CTNND1: variants seen among roughly 807,000 people sequenced by gnomAD.
The protein encoded by CTNND1 is catenin delta 1, also known as catenin delta-1.
CTNND1 carries 16 observed loss-of-function variants against 112.1 expected under a neutral mutation model. The ratio of observed to expected loss-of-function variants is 0.14; its 90% CI spans 0.10 to 0.22. CTNND1 has a LOEUF of 0.22. Among genes scored for constraint, CTNND1 ranks in the 10% least tolerant of loss-of-function variants. The probability of loss-of-function intolerance (pLI) is 1.00; values close to 1 mark genes in which losing one functional copy is unlikely to be tolerated. For missense variants in CTNND1, 1,008 were observed against 1,257.0 expected (o/e 0.80, Z 3.00); for synonymous variants, 420 against 446.5 (o/e 0.94, Z 0.75).
At chr11:57,767,982 C>T (rs1292042298) in intron 1 of CTNND1, among the ~76,000 whole-genome samples, 5 of 151,734 alleles carry the variant, frequency 3.3e-5, no homozygotes, top group Admixed American at 6.6e-5. Flanking sequence ...TACAGGTGCC[C>T]GCCACCACGC....
chr11:57,813,374 G>A (rs2063595287), intron 17 of CTNND1, among the ~76,000 whole-genome samples: 1 of 152,184 alleles, frequency 6.6e-6, no homozygotes, highest in Non-Finnish European at 1.5e-5. Context: ...GAAATAAACA[G>A]TGATGTTAAC....
rs539162406 is a variant in CTNND1, at chr11:57,796,695, G to T, written c.659G>T (p.Gly220Val). Residue 220 changes from glycine to valine, a missense_variant, in exon 6 of 21, where the codon GGT (glycine) becomes GTT (valine). Coordinates refer to ENST00000399050, the MANE Select transcript of CTNND1 (RefSeq NM_001085458.2). The stretch of plus-strand genomic sequence containing the variant: ...GGTTATAGTCGCCACTATGAAGATG[G>T]TTATCCAGGTGGCAGTGATAACTAT... ...PDGYSRHYED[G>V]YPGGSDNYGS... 2.5e-6 allele frequency: 4 copies of T among 1,614,050 alleles called. No homozygotes were observed. The highest frequency in any genetic ancestry group is 2.2e-5 in the East Asian group (1 of 44,882).
At chr11:57,806,642 G>A in intron 11 of CTNND1, 164 bp downstream of exon 11, 6 of 678,730 alleles carry the variant, frequency 8.8e-6, no homozygotes, top group South Asian at 7.6e-5. Flanking sequence ...AATAGCTCAC[G>A]GCATGCTGTT....
At chr11:57,789,912 C>T (rs962053966) in intron 2 of CTNND1, among the ~76,000 whole-genome samples, 2 of 152,206 alleles carry the variant, frequency 1.3e-5, no homozygotes, top group Non-Finnish European at 2.9e-5. Context: ...CCTTTTCCTA[C>T]TTCCCAAGGA....
chr11:57,774,389 C>T (rs1953623112), intron 1 of CTNND1, among the ~76,000 whole-genome samples: 1 of 152,196 alleles, frequency 6.6e-6, no homozygotes, highest in East Asian at 1.9e-4. Context: ...GGATATCCTA[C>T]AATGTAGCAA....
At chr11:57,808,873 A>G (rs1489418601) in intron 14 of CTNND1, among the ~76,000 whole-genome samples, 1 of 152,230 alleles carries the variant, frequency 6.6e-6, no homozygotes. Context: ...GAAATAACTC[A>G]TGGAAGTTAA....
chr11:57,770,802 C>T (rs1766695241), intron 1 of CTNND1, among the ~76,000 whole-genome samples: 1 of 152,152 alleles, frequency 6.6e-6, no homozygotes, highest in Non-Finnish European at 1.5e-5. Context: ...TATCAAAGCA[C>T]CTGCAGTTCC....
At position 57,804,774 on chromosome 11, in the gene CTNND1, C is replaced by T. The variant is rs776819881; in HGVS notation, c.1716C>T (p.Asp572=). 1.2e-6 allele frequency: 2 copies of T among 1,612,138 alleles called. No homozygotes were observed. The highest frequency in any genetic ancestry group is 2.2e-5 in the East Asian group (1 of 44,880). The change falls in exon 9 of 21, where the codon GAC becomes GAT. Residue 572 remains aspartate (D), a synonymous_variant. Coordinates refer to ENST00000399050, the MANE Select transcript of CTNND1 (RefSeq NM_001085458.2). ...CTGAGATTGGGCAGAAGGATTCAGA[C>T]AGCAAGGTAAGTGCTGTCTTACCTT... The part of the protein sequence containing the change: ...VQAEIGQKDS[D]SKLVENCVCL...
chr11:57,794,295 A>G (rs952981552), intron 4 of CTNND1, among the ~76,000 whole-genome samples: 1 of 152,094 alleles, frequency 6.6e-6, no homozygotes, highest in Non-Finnish European at 1.5e-5. Flanking sequence ...CTTTATGACT[A>G]TTCCTCCTCC....
At chr11:57,781,903 G>A (rs1357550616) in intron 1 of CTNND1, among the ~76,000 whole-genome samples, 1 of 152,158 alleles carries the variant, frequency 6.6e-6, no homozygotes, top group Non-Finnish European at 1.5e-5. Flanking sequence ...TTCAAAGCCA[G>A]CCCAGCACTA....
At chr11:57,808,675 C>G in intron 14 of CTNND1, 135 bp downstream of exon 14, 1 of 789,474 alleles carries the variant, frequency 1.3e-6, no homozygotes, top group Non-Finnish European at 1.8e-6. Flanking sequence ...TTTATGAATG[C>G]GAGAGTTGGT....
At chr11:57,794,885 A>G (rs1345111892) in intron 4 of CTNND1, among the ~76,000 whole-genome samples, 1 of 147,384 alleles carries the variant, frequency 6.8e-6, no homozygotes, top group Admixed American at 6.8e-5. Context: ...CTCCGTCTCA[A>G]AAAAAAAAAA....
At position 57,796,972 on chromosome 11, in the gene CTNND1, TGACC is replaced by T; in HGVS notation, c.937_940del (p.Asp313LeufsTer11). 6.7e-7 allele frequency: 1 copy of T among 1,490,912 alleles called. No individual in the cohort carries two copies. The allele number at this position is 1,490,912 out of a possible 1,614,324, so 92.4% of individuals were successfully genotyped here. A position where few individuals can be genotyped will look rare whatever the true frequency, so the allele number is the denominator to read the frequency against. On this transcript the variant is annotated frameshift_variant, in exon 6 of 21. Transcript: ENST00000399050. LOFTEE classifies it high-confidence loss of function. ...CTGCCCGTCGGACTGGGACACCCTC[TGACC>T]CTCGTCGGCGCCTCAGGTAGGCAAG...
rs2063928125 is a variant in CTNND1 at position 57,815,977 on chromosome 11, G to C, written c.2871G>C (p.Gly957=). The C allele has an allele frequency of 6.3e-7, 1 of 1,595,996 alleles. No homozygotes were observed. Among genetic ancestry groups the C allele is most frequent in the Non-Finnish European group, 8.5e-7 (1 of 1,175,238 alleles). The part of the protein sequence containing the change: ...ELDVLVLDDE[G]GQVSYPSMQK... ...ATGTGTTGGTTTTGGATGATGAGGG[G>C]GGCCAAGTGTCTTACCCCTCCATGG... Residue 957 remains glycine (G), a synonymous_variant, in exon 20 of 21, where the codon GGG becomes GGC. Transcript: ENST00000399050.
intron 1 of CTNND1, among the ~76,000 whole-genome samples, chr11:57,766,964 AT>A (rs1290976843): frequency 7.4e-5 from 11 of 147,916 alleles, no homozygotes; most frequent in African/African-American, 2.7e-4. Context: ...GAGGCAAAGA[AT>A]TTTCTTATCT....
At chr11:57,811,935 A>G (rs752414754) in intron 17 of CTNND1, among the ~76,000 whole-genome samples, 15 of 152,206 alleles carry the variant, frequency 9.9e-5, no homozygotes, top group Non-Finnish European at 2.2e-4. Context: ...TTCCTCTGAG[A>G]TGAATTATAT....
At chr11:57,798,889 A>G (rs1591534071) in intron 6 of CTNND1, among the ~76,000 whole-genome samples, 2 of 152,224 alleles carry the variant, frequency 1.3e-5, no homozygotes, top group African/African-American at 4.8e-5. Flanking sequence ...TGGGCTGCCA[A>G]TGCTGCTTCA....
Position 57,796,968 on chromosome 11 carries a change from C to CGAG in CTNND1, c.932_933insGAG (p.Ser312dup). 6.7e-7 allele frequency: 1 copy of CGAG among 1,489,034 alleles called. No homozygotes were observed. Among genetic ancestry groups the CGAG allele is most frequent in the South Asian group, 1.4e-5 (1 of 70,886 alleles). The allele number at this position is 1,489,034 out of a possible 1,614,324, so 92.2% of individuals were successfully genotyped here. On this transcript the variant is annotated inframe_insertion, in exon 6 of 21. Transcript: ENST00000399050. ...GGCACTGCCCGTCGGACTGGGACAC[C>CGAG]CTCTGACCCTCGTCGGCGCCTCAGG...
chr11:57,799,587 C>A (rs1209697140), intron 6 of CTNND1, among the ~76,000 whole-genome samples: 4 of 152,202 alleles, frequency 2.6e-5, no homozygotes, highest in African/African-American at 9.6e-5. Context: ...TGTGCCTTTG[C>A]CACTAGCTAA....
Sources: allele counts gnomAD v4.1 joint callset (sites outside exome capture counted in the v4.1 genomes callset), GRCh38; gene constraint gnomAD v4.1.1; transcripts MANE v1.5; gene names NCBI Gene and HGNC (gene_info 2026-07-23, HGNC 2026-07-21).